The following ACSL3 variants were observed in gnomAD, a reference collection of about 807,000 sequenced individuals.
ACSL3 encodes acyl-CoA synthetase long chain family member 3, also known as fatty acid CoA ligase Acsl3.
In ACSL3, 34 loss-of-function variants were observed where a neutral mutation model predicts 84.7. The observed-to-expected ratio is 0.40, with a 90% CI of 0.31 to 0.53. The LOEUF is 0.53. Ranked by LOEUF, ACSL3 falls within the 20% of genes least tolerant of loss-of-function variation. The pLI, the probability that ACSL3 is intolerant of heterozygous loss-of-function variation, is 0.48. For synonymous variants in ACSL3, 315 were observed against 299.4 expected, an observed-to-expected ratio of 1.05 and a Z score of -0.54; for missense variants, 680 against 873.1, an observed-to-expected ratio of 0.78 and a Z score of 2.79.
intron 1 of ACSL3, among the ~76,000 whole-genome samples, chr2:222,879,534 T>G (rs1695538136): frequency 6.6e-6 from 1 of 152,200 alleles, no homozygotes; most frequent in African/African-American, 2.4e-5. Flanking sequence ...TTATTCAGCT[T>G]TGTCTGTGGG....
At chr2:222,911,467 T>G (rs1696438691) in intron 4 of ACSL3, among the ~76,000 whole-genome samples, 1 of 152,248 alleles carries the variant, frequency 6.6e-6, no homozygotes, top group South Asian at 2.1e-4. Context: ...TTCTATCTGC[T>G]TATAGATTCA....
At chr2:222,892,232 G>T (rs879877679) in intron 2 of ACSL3, among the ~76,000 whole-genome samples, 21 of 152,178 alleles carry the variant, frequency 1.4e-4, no homozygotes, top group Admixed American at 3.9e-4. Context: ...GTTGATATTT[G>T]TAAGAATTTA....
intron 16 of ACSL3, among the ~76,000 whole-genome samples, chr2:222,935,999 A>C (rs1195168677): frequency 5.3e-5 from 8 of 152,058 alleles, no homozygotes; most frequent in Admixed American, 3.9e-4. Flanking sequence ...TACTTCATAC[A>C]TGTGGAATCA....
intron 4 of ACSL3, 84 bp from the exon 5 acceptor site, chr2:222,916,232 TTCA>T: frequency 1.2e-6 from 1 of 846,844 alleles, no homozygotes; most frequent in Non-Finnish European, 1.7e-6. Context: ...AACTTTCTGG[TTCA>T]TCATAACATT....
intron 16 of ACSL3, among the ~76,000 whole-genome samples, chr2:222,938,483 T>C (rs1186939018): frequency 6.6e-6 from 1 of 152,206 alleles, no homozygotes; most frequent in South Asian, 2.1e-4. Context: ...ACTACTATTT[T>C]CTAACCTGCC....
Position 222,942,070 on chromosome 2 carries a change from GTA to G in ACSL3, c.*418_*419del, listed in dbSNP as rs769174858. 8 of 216,774 alleles carry G rather than the reference GTA, an allele frequency of 3.7e-5. No homozygotes were observed. The highest frequency in any genetic ancestry group is 6.5e-5 in the Non-Finnish European group (7 of 107,480). The allele number at this position is 216,774 out of a possible 1,614,324, so 13.4% of individuals were successfully genotyped here. A position where few individuals can be genotyped will look rare whatever the true frequency, so the allele number is the denominator to read the frequency against. On this transcript the variant is annotated 3_prime_UTR_variant, in exon 17 of 17. Transcript: ENST00000357430. ...TTATTTGGGGGCTTTTTTACTTACT[GTA>G]TTTAAAAATACAAGGGTATTGATAT...
chr2:222,866,804 A>AGAGAATTT (rs1396340199), intron 1 of ACSL3, among the ~76,000 whole-genome samples: 8 of 111,234 alleles, frequency 7.2e-5, no homozygotes, highest in African/African-American at 2.7e-4. Context: ...AAGGAAATTG[A>AGAGAATTT]GAGAATTTAA....
At chr2:222,922,887 AT>A in intron 9 of ACSL3, 56 bp downstream of exon 9, 1 of 1,605,462 alleles carries the variant, frequency 6.2e-7, no homozygotes, top group Non-Finnish European at 8.5e-7. Flanking sequence ...ATTGTAATGC[AT>A]TTTTTTCAGT....
chr2:222,941,471 CTTTTCTTTTTT>C lies in ACSL3; in HGVS notation c.2006-22_2006-12del. On this transcript the variant is annotated splice_polypyrimidine_tract_variant and intron_variant, in intron 16 of 16. Transcript: ENST00000357430. ...GCTAAGAACTTAAATACCTTTTCTT[CTTTTCTTTTTT>C]TTTAATCATCTTAGCAAGTCTGGAA... 5.1e-6 allele frequency: 7 copies of C among 1,379,962 alleles called. No homozygotes were observed. Among genetic ancestry groups the C allele is most frequent in the Non-Finnish European group, 6.8e-6 (7 of 1,022,250 alleles). The allele number at this position is 1,379,962 out of a possible 1,614,324, so 85.5% of individuals were successfully genotyped here. A position where few individuals can be genotyped will look rare whatever the true frequency, so the allele number is the denominator to read the frequency against.
At chr2:222,919,320 G>T (rs1318408504) in intron 7 of ACSL3, 118 bp downstream of exon 7, 2 of 1,271,964 alleles carry the variant, frequency 1.6e-6, no homozygotes, top group Non-Finnish European at 2.1e-6. Flanking sequence ...TCTAACATCA[G>T]TTAGGAAAAC....
intron 1 of ACSL3, among the ~76,000 whole-genome samples, chr2:222,875,299 T>C (rs1695416770): frequency 6.6e-6 from 1 of 151,956 alleles, no homozygotes; most frequent in African/African-American, 2.4e-5. Flanking sequence ...ATCAAGAAGA[T>C]TGGGGACGGA....
At chr2:222,901,898 C>T (rs574397979) in intron 3 of ACSL3, among the ~76,000 whole-genome samples, 17 of 140,008 alleles carry the variant, frequency 1.2e-4, no homozygotes, top group South Asian at 4.6e-4. Context: ...GAGCCGAGAT[C>T]GCGCCACTGC....
Position 222,922,790 on chromosome 2 carries a change from T to A in ACSL3, c.1039T>A (p.Cys347Ser), listed in dbSNP as rs1358419097. Residue 347 changes from cysteine to serine, a missense_variant, in exon 9 of 17, where the codon TGC becomes AGC. Physicochemically the swap from Cys to Ser is moderately radical, Grantham distance 112. Transcript: ENST00000357430. Reference protein sequence around the residue: ...SAELVCLSHGCRIGYSSPQTL... With the variant: ...SAELVCLSHGSRIGYSSPQTL... ...TGAGCTTGTCTGTCTTTCTCACGGA[T>A]GCCGCATTGGTTACTCTTCACCACA... 6.2e-7 allele frequency: 1 copy of A among 1,614,106 alleles called. No individual in the cohort carries two copies. The highest frequency in any genetic ancestry group is 2.2e-5 in the East Asian group (1 of 44,906).
rs1299163146 is a variant in ACSL3, at chr2:222,896,849, C to T, written c.-147-3825C>T. On this transcript the variant is annotated intron_variant, in intron 2 of 16. Transcript: ENST00000357430. ...GGGGCTGACCCCCCCACCTCCCTCC[C>T]GGACGGGGCGGCTGGCCGGGCGGGG... Among the ~76,000 whole-genome samples, 5 of 17,508 alleles carry T rather than the reference C, an allele frequency of 2.9e-4. 2 individuals are homozygous for T. Among genetic ancestry groups the T allele is most frequent in the African/African-American group, 9.8e-4 (2 of 2,044 alleles). The allele number at this position is 17,508 out of a possible 152,430, so 11.5% of individuals were successfully genotyped here.
chr2:222,893,355 T>C (rs765115148), intron 2 of ACSL3, among the ~76,000 whole-genome samples: 3 of 152,154 alleles, frequency 2.0e-5, no homozygotes, highest in Non-Finnish European at 4.4e-5. Context: ...GCTCTGTCAG[T>C]AGGGTGTGAA....
At position 222,863,813 on chromosome 2, in the gene ACSL3, G is replaced by C. The variant is rs569043038; in HGVS notation, c.-207+2555G>C. 2.8e-4 allele frequency among the ~76,000 whole-genome samples: 43 copies of C among 152,166 alleles called. 1 individual carries two copies. The South Asian group carries it at 8.7e-3, about 31-fold the overall frequency. ...AATGTCTCAGTTGAACATGTATGAA[G>C]CCAATTCAAATAATACATTGCAATA... On this transcript the variant is annotated intron_variant, in intron 1 of 16. Transcript: ENST00000357430.
chr2:222,914,507 C>T (rs1238079524), intron 4 of ACSL3, among the ~76,000 whole-genome samples: 2 of 152,152 alleles, frequency 1.3e-5, no homozygotes, highest in African/African-American at 4.8e-5. Context: ...AATGAGTTGC[C>T]TGTCTCAGCC....
intron 1 of ACSL3, among the ~76,000 whole-genome samples, chr2:222,887,374 A>G (rs1181251655): frequency 6.6e-6 from 1 of 152,326 alleles, no homozygotes; most frequent in Middle Eastern, 3.4e-3. Flanking sequence ...TTATGAATCA[A>G]ACTGCTATGG....
chr2:222,940,575 C>A (rs544720361), intron 16 of ACSL3, among the ~76,000 whole-genome samples: 1 of 151,422 alleles, frequency 6.6e-6, no homozygotes, highest in Non-Finnish European at 1.5e-5. Flanking sequence ...ACAGTGGTCA[C>A]GTAAGATTAT....
Sources: allele counts gnomAD v4.1 joint callset (sites outside exome capture counted in the v4.1 genomes callset), GRCh38; gene constraint gnomAD v4.1.1; transcripts MANE v1.5; gene names NCBI Gene and HGNC (gene_info 2026-07-23, HGNC 2026-07-21).